The following ADGRB1 variants were observed in gnomAD, a reference collection of about 807,000 sequenced individuals.
The protein encoded by ADGRB1 is brain-specific angiogenesis inhibitor 1.
Under a neutral mutation model 175.7 loss-of-function variants are expected in ADGRB1, and 36 were observed. The ratio of observed to expected loss-of-function variants is 0.20; its 90% CI spans 0.16 to 0.27. ADGRB1 has a LOEUF of 0.27. Ranked by LOEUF, ADGRB1 falls within the 10% of genes least tolerant of loss-of-function variation. The probability of loss-of-function intolerance (pLI) is 1.00; values close to 1 mark genes in which losing one functional copy is unlikely to be tolerated. For synonymous variants in ADGRB1, 1,054 were observed against 979.4 expected (o/e 1.08, Z -1.42); for missense variants, 1,731 against 2,255.3 (o/e 0.77, Z 4.71).
chr8:142,479,187 C>A (rs1563694788), intron 7 of ADGRB1, 136 bp from the exon 8 acceptor site: 1 of 991,284 alleles, frequency 1.0e-6, no homozygotes, highest in East Asian at 3.2e-5. Flanking sequence ...GACCTCCTGC[C>A]CCACATTCCT....
chr8:142,515,918 A>G (rs530031886), intron 18 of ADGRB1, among the ~76,000 whole-genome samples: 21 of 152,350 alleles, frequency 1.4e-4, no homozygotes, highest in Admixed American at 1.3e-3. Flanking sequence ...CCCAGAGCGT[A>G]GTTTGGACAA....
chr8:142,451,535 G>A (rs532475984), intron 1 of ADGRB1, among the ~76,000 whole-genome samples: 1 of 152,140 alleles, frequency 6.6e-6, no homozygotes, highest in African/African-American at 2.4e-5. Context: ...GCGGGTAGGG[G>A]GCCTGCACTC....
chr8:142,489,332 G>A lies in ADGRB1; in HGVS notation c.2529-4G>A. ...CCCGACACCTGTGCCTCTGGCTCTT[G>A]CAGGAACACGACCGTCCTGAATTCT... On this transcript the variant is annotated splice_region_variant and splice_polypyrimidine_tract_variant and intron_variant, in intron 15 of 30. Coordinates refer to ENST00000517894, the MANE Select transcript of ADGRB1 (RefSeq NM_001702.3). The A allele has an allele frequency of 1.2e-6, 2 of 1,612,766 alleles. No homozygotes were observed. Among genetic ancestry groups the A allele is most frequent in the East Asian group, 2.2e-5 (1 of 44,882 alleles).
chr8:142,533,589 A>T (rs1316977968), intron 25 of ADGRB1, 123 bp downstream of exon 25: 7 of 1,175,846 alleles, frequency 6.0e-6, no homozygotes, highest in Non-Finnish European at 8.1e-6. Flanking sequence ...CATGACCCTG[A>T]CACATCTGCA....
intron 2 of ADGRB1, among the ~76,000 whole-genome samples, chr8:142,469,646 CGTGTGAACGCAAGT>C (rs1840532828): frequency 7.8e-6 from 1 of 128,574 alleles, no homozygotes; most frequent in Non-Finnish European, 1.6e-5. Flanking sequence ...TGTGCACGTG[CGTGTGAACGCAAGT>C]GCGTGTGTGT....
intron 24 of ADGRB1, among the ~76,000 whole-genome samples, chr8:142,526,957 G>T (rs1298834402): frequency 6.6e-6 from 1 of 152,132 alleles, no homozygotes; most frequent in Non-Finnish European, 1.5e-5. Context: ...GGTGCTGGGG[G>T]TCCCTGGCCC....
At chr8:142,451,618 G>A (rs1839355113) in intron 1 of ADGRB1, among the ~76,000 whole-genome samples, 1 of 152,142 alleles carries the variant, frequency 6.6e-6, no homozygotes, top group African/African-American at 2.4e-5. Context: ...CTCCATCCTG[G>A]GAACCCACGG....
At chr8:142,539,335 C>A in intron 26 of ADGRB1, 39 bp from the exon 27 acceptor site, 2 of 1,559,860 alleles carry the variant, frequency 1.3e-6, no homozygotes, top group South Asian at 1.2e-5. Flanking sequence ...CCCCCGCTCC[C>A]AGAGGCGCTC....
intron 1 of ADGRB1, among the ~76,000 whole-genome samples, chr8:142,457,596 G>A (rs1049670626): frequency 6.6e-6 from 1 of 152,110 alleles, no homozygotes; most frequent in African/African-American, 2.4e-5. Flanking sequence ...GAGGCTTCCG[G>A]GCCTGCCTCT....
At chr8:142,526,507 CCACCCCCA>C in intron 23 of ADGRB1, 27 bp from the exon 24 acceptor site, 5 of 1,298,578 alleles carry the variant, frequency 3.9e-6, no homozygotes, top group Non-Finnish European at 4.4e-6. Context: ...ACGGCGGCCC[CCACCCCCA>C]CACCCCCACC....
intron 2 of ADGRB1, among the ~76,000 whole-genome samples, chr8:142,471,923 T>G (rs1840690200): frequency 6.6e-6 from 1 of 152,192 alleles, no homozygotes; most frequent in African/African-American, 2.4e-5. Context: ...GGAGTCTGGG[T>G]GCCCCAGGAC....
At chr8:142,539,023 A>G (rs1845104847) in intron 26 of ADGRB1, among the ~76,000 whole-genome samples, 2 of 152,196 alleles carry the variant, frequency 1.3e-5, no homozygotes, top group African/African-American at 4.8e-5. Flanking sequence ...ACATACAGAA[A>G]TACACACGCA....
At chr8:142,500,139 G>A (rs1299457844) in intron 17 of ADGRB1, among the ~76,000 whole-genome samples, 4 of 151,934 alleles carry the variant, frequency 2.6e-5, no homozygotes, top group Non-Finnish European at 5.9e-5. Context: ...CATGGCTGCC[G>A]TCCGGCGCTG....
chr8:142,468,312 C>T (rs1194068538), intron 2 of ADGRB1, among the ~76,000 whole-genome samples: 1 of 152,078 alleles, frequency 6.6e-6, no homozygotes, highest in African/African-American at 2.4e-5. Flanking sequence ...CTCTGTGCAG[C>T]GATTTTTGAC....
At chr8:142,450,616 C>G (rs188980815) in intron 1 of ADGRB1, among the ~76,000 whole-genome samples, 1 of 152,144 alleles carries the variant, frequency 6.6e-6, no homozygotes, top group East Asian at 1.9e-4. Flanking sequence ...GGGCCCCCTA[C>G]AGACATTGTA....
intron 25 of ADGRB1, among the ~76,000 whole-genome samples, chr8:142,536,304 C>T (rs1261352736): frequency 6.6e-6 from 1 of 152,232 alleles, no homozygotes; most frequent in East Asian, 1.9e-4. Context: ...CTGCTGGCCC[C>T]ACGGGAGGGA....
chr8:142,526,526 A>G lies in ADGRB1; in HGVS notation c.3313-16A>G. 1.6e-6 allele frequency: 1 copy of G among 610,438 alleles called. No homozygotes were observed. The highest frequency in any genetic ancestry group is 2.4e-6 in the Non-Finnish European group (1 of 409,852). The allele number at this position is 610,438 out of a possible 1,614,324, so 37.8% of individuals were successfully genotyped here. A position where few individuals can be genotyped will look rare whatever the true frequency, so the allele number is the denominator to read the frequency against. On this transcript the variant is annotated splice_polypyrimidine_tract_variant and intron_variant, in intron 23 of 30. Transcript: ENST00000517894. Reference sequence around the variant, plus strand: ...CGGCCCCCACCCCCACACCCCCACCACTCTCTGCCCGGCAGGTGAACATGG... The same window carrying G: ...CGGCCCCCACCCCCACACCCCCACCGCTCTCTGCCCGGCAGGTGAACATGG...
chr8:142,495,463 G>C (rs1053496385), intron 17 of ADGRB1, among the ~76,000 whole-genome samples: 9 of 152,266 alleles, frequency 5.9e-5, no homozygotes, highest in Non-Finnish European at 1.0e-4. Context: ...CCACAAACCA[G>C]GTGGTTTAAA....
At chr8:142,516,130 G>A (rs1036179297) in intron 18 of ADGRB1, among the ~76,000 whole-genome samples, 4 of 152,208 alleles carry the variant, frequency 2.6e-5, no homozygotes, top group East Asian at 1.9e-4. Flanking sequence ...TGTGGGGGGC[G>A]TCAGTCGTGT....
Sources: allele counts gnomAD v4.1 joint callset (sites outside exome capture counted in the v4.1 genomes callset), GRCh38; gene constraint gnomAD v4.1.1; transcripts MANE v1.5; gene names NCBI Gene and HGNC (gene_info 2026-07-23, HGNC 2026-07-21).